The following PCDHA5 variants were observed in gnomAD, a reference collection of about 807,000 sequenced individuals.
PCDHA5 encodes protocadherin alpha-5.
In PCDHA5, 43 loss-of-function variants were observed where a neutral mutation model predicts 61.6. That is an observed-to-expected ratio of 0.70 (90% confidence interval 0.55 to 0.90). The LOEUF (loss-of-function observed/expected upper bound fraction) is 0.90. PCDHA5 is among the 40% of genes least tolerant of loss of function. The pLI, the probability that PCDHA5 is intolerant of heterozygous loss-of-function variation, is 0.00. For missense variants in PCDHA5, 1,298 were observed against 1,222.7 expected, an observed-to-expected ratio of 1.06 and a Z score of -0.92; for synonymous variants, 627 against 543.9, an observed-to-expected ratio of 1.15 and a Z score of -2.13.
chr5:141,011,752 C>T lies in PCDHA5; in HGVS notation c.*1815C>T, dbSNP rs1051150394. On this transcript the variant is annotated 3_prime_UTR_variant, in exon 4 of 4. Transcript: ENST00000529859. ...CAAGCACAAATTTTACCAATCTGAC[C>T]TCTTTGAAGTTGCAGAATGCTTTGA... The T allele has an allele frequency of 6.5e-6, 1 of 153,662 alleles. No homozygotes were observed. The highest frequency in any genetic ancestry group is 6.5e-5 in the Admixed American group (1 of 15,272). The allele number at this position is 153,662 out of a possible 1,614,324, so 9.5% of individuals were successfully genotyped here. A position where few individuals can be genotyped will look rare whatever the true frequency, so the allele number is the denominator to read the frequency against.
intron 1 of PCDHA5, chr5:140,848,382 ACTCT>A (rs1581148542): frequency 1.7e-6 from 2 of 1,188,866 alleles, no homozygotes; most frequent in Non-Finnish European, 2.4e-6. Flanking sequence ...ATTCTTTTTC[ACTCT>A]CTCTGTGCTG....
intron 1 of PCDHA5, chr5:140,859,459 C>A (rs1379028308): frequency 9.2e-6 from 2 of 216,756 alleles, no homozygotes; most frequent in Non-Finnish European, 1.8e-5. Context: ...AGTGACAAAA[C>A]TACACTATCA....
At chr5:140,824,330 T>C in intron 1 of PCDHA5, 1 of 642,460 alleles carries the variant, frequency 1.6e-6, no homozygotes, top group Non-Finnish European at 2.7e-6. Context: ...TTCTGTGATA[T>C]TAAGTGTTTT....
At chr5:140,863,871 C>T (rs2048215005) in intron 1 of PCDHA5, 1 of 171,736 alleles carries the variant, frequency 5.8e-6, no homozygotes, top group East Asian at 1.5e-4. Context: ...TGTGGTGGTG[C>T]GCACCTGTAA....
In PCDHA5 at chr5:140,850,224, G is replaced by A. The variant is rs2150474394; in HGVS notation, c.2352+26097G>A. On this transcript the variant is annotated intron_variant, in intron 1 of 3. Coordinates refer to ENST00000529859, the MANE Select transcript of PCDHA5 (RefSeq NM_018908.3). ...TCGGATGAGGGGCACTGACGGCGCAGTGAGCGAGATGGTGCTGCGGTCGGT... is the reference window on the plus strand; with the variant it reads ...TCGGATGAGGGGCACTGACGGCGCAATGAGCGAGATGGTGCTGCGGTCGGT... 9.3e-5 allele frequency: 148 copies of A among 1,593,886 alleles called. 13 individuals carry two copies. The highest frequency in any genetic ancestry group is 1.2e-4 in the Non-Finnish European group (142 of 1,167,688).
chr5:140,876,012 T>C (rs2056048598), intron 1 of PCDHA5: 1 of 1,613,604 alleles, frequency 6.2e-7, no homozygotes, highest in Non-Finnish European at 8.5e-7. Flanking sequence ...ATTTTGAGCT[T>C]AAAATAAAAA....
chr5:140,854,562 C>G (rs1316320721), intron 1 of PCDHA5: 1 of 149,730 alleles, frequency 6.7e-6, no homozygotes, highest in Non-Finnish European at 1.5e-5. Flanking sequence ...AATATTGTTG[C>G]TCTGTCATTC....
intron 1 of PCDHA5, among the ~76,000 whole-genome samples, chr5:140,854,875 T>A (rs2150323966): frequency 6.7e-6 from 1 of 150,054 alleles, no homozygotes; most frequent in African/African-American, 2.4e-5. Context: ...CAGAACTGTG[T>A]CTTTTGGGCA....
intron 1 of PCDHA5, chr5:140,969,257 AATC>A (rs782398697): frequency 1.2e-6 from 2 of 1,614,102 alleles, no homozygotes; most frequent in African/African-American, 2.7e-5. Context: ...TGACAGCAGG[AATC>A]TCACAGGCCA....
In PCDHA5 at chr5:140,844,942, G is replaced by GGACTCT. The variant is rs2150375378; in HGVS notation, c.2352+20818_2352+20823dup. On this transcript the variant is annotated intron_variant, in intron 1 of 3. Transcript: ENST00000529859. ...GATGGAAGGGAATGAACGATTTCTG[G>GGACTCT]GACTCTGAATTCTTACAGTTTGTTA... Among the ~76,000 whole-genome samples, 244 of 149,148 alleles carry GGACTCT rather than the reference G, an allele frequency of 1.6e-3. 12 individuals are homozygous for GGACTCT. The highest frequency in any genetic ancestry group is 2.1e-3 in the Non-Finnish European group (141 of 66,614).
intron 1 of PCDHA5, among the ~76,000 whole-genome samples, chr5:140,919,230 A>G (rs56002): frequency 0.32 from 48,085 of 151,928 alleles, 7,955 homozygotes; most frequent in East Asian, 0.53. Flanking sequence ...TTCTAGTAAC[A>G]CTTTTTGTCT....
intron 1 of PCDHA5, among the ~76,000 whole-genome samples, chr5:140,931,907 G>T (rs573618162): frequency 6.6e-6 from 1 of 151,782 alleles, no homozygotes; most frequent in Non-Finnish European, 1.5e-5. Flanking sequence ...CATTTGAAAA[G>T]CATGACATTT....
At chr5:140,991,026 T>A (rs1003749305) in intron 3 of PCDHA5, among the ~76,000 whole-genome samples, 8 of 152,210 alleles carry the variant, frequency 5.3e-5, no homozygotes, top group Admixed American at 2.0e-4. Context: ...ACTTTACATA[T>A]GTTGCATACT....
rs374520361 is a variant in PCDHA5, at chr5:140,870,742, A to C, written c.2352+46615A>C. 10 of 1,613,406 alleles carry C rather than the reference A, an allele frequency of 6.2e-6. No homozygotes were observed. In the African/African-American group the frequency reaches 1.1e-4, roughly 17 times the overall value. On this transcript the variant is annotated intron_variant, in intron 1 of 3. Transcript: ENST00000529859. ...TGCGGGCGTGCCGCCTCTGAGCAGC[A>C]ACGTGACGCTGCAGGTGTTCGTGCT...
chr5:140,971,163 T>C (rs2096460132), intron 1 of PCDHA5, among the ~76,000 whole-genome samples: 1 of 152,180 alleles, frequency 6.6e-6, no homozygotes, highest in Non-Finnish European at 1.5e-5. Flanking sequence ...AGGCTCAGCT[T>C]TGCCACCAGC....
chr5:140,841,559 C>A, intron 1 of PCDHA5: 1 of 1,613,852 alleles, frequency 6.2e-7, no homozygotes, highest in Non-Finnish European at 8.5e-7. Flanking sequence ...GGTAAGTCTG[C>A]AGAATGGCAT....
At chr5:141,003,158 A>G (rs902811266) in intron 3 of PCDHA5, among the ~76,000 whole-genome samples, 4 of 152,222 alleles carry the variant, frequency 2.6e-5, no homozygotes, top group Non-Finnish European at 5.9e-5. Context: ...GACCTGATCA[A>G]TCCTAGTCCC....
At chr5:140,989,619 TC>T (rs2097351060) in intron 3 of PCDHA5, among the ~76,000 whole-genome samples, 1 of 152,196 alleles carries the variant, frequency 6.6e-6, no homozygotes. Flanking sequence ...TGAAAGTCTG[TC>T]CTAGTGACAG....
chr5:140,850,487 T>C (rs2150486193), intron 1 of PCDHA5: 2 of 1,597,790 alleles, frequency 1.3e-6, no homozygotes, highest in East Asian at 2.2e-5. Flanking sequence ...CCACGGCCAC[T>C]GTGCTGGTGT....
Sources: gnomAD v4.1 joint callset for allele counts (sites outside exome capture counted in the v4.1 genomes callset) on GRCh38, gnomAD v4.1.1 for gene constraint, MANE v1.5 for transcripts, NCBI Gene and HGNC (gene_info 2026-07-23, HGNC 2026-07-21) for gene names.